The following CFAP263 variants were observed in gnomAD, a reference collection of about 807,000 sequenced individuals.
CFAP263 encodes the protein cilia and flagella associated protein 263.
the CFAP263 span, chr16:58,252,917 T>C: frequency 3.9e-6 from 6 of 1,547,100 alleles, no homozygotes; most frequent in East Asian, 2.3e-5. Flanking sequence ...GTGGTATTTG[T>C]TTATCTGCCT....
At chr16:58,258,465 G>A in the CFAP263 span, 8 of 1,613,942 alleles carry the variant, frequency 5.0e-6, no homozygotes, top group Non-Finnish European at 5.9e-6. Context: ...AAGAAGAAAG[G>A]GAGTATTTTG....
the CFAP263 span, among the ~76,000 whole-genome samples, chr16:58,260,921 G>A: frequency 6.6e-6 from 1 of 152,170 alleles, no homozygotes; most frequent in Admixed American, 6.5e-5. Flanking sequence ...GGATGGCTTA[G>A]CTGTAGAGTA....
chr16:58,276,573 G>A, the CFAP263 span, among the ~76,000 whole-genome samples: 1 of 152,194 alleles, frequency 6.6e-6, no homozygotes, highest in East Asian at 1.9e-4. Flanking sequence ...ATGTCTTTAG[G>A]CATTGCCAAA....
chr16:58,278,490 C>CAAAGCCGAGGCAGTGAATA, the CFAP263 span: 1 of 1,614,018 alleles, frequency 6.2e-7, no homozygotes. Context: ...AGGACCGGGC[C>CAAAGCCGAGGCAGTGAATA]AAAGCCGAGG....
the CFAP263 span, among the ~76,000 whole-genome samples, chr16:58,266,664 G>A: frequency 2.0e-4 from 31 of 151,894 alleles, no homozygotes; most frequent in African/African-American, 7.2e-4. Context: ...AAATCACTGC[G>A]TCTTTCCCTT....
chr16:58,261,932 G>T, the CFAP263 span, among the ~76,000 whole-genome samples: 1 of 152,060 alleles, frequency 6.6e-6, no homozygotes, highest in Admixed American at 6.5e-5. Flanking sequence ...CTTGTCCTGG[G>T]TTTTTCATGT....
the CFAP263 span, chr16:58,281,107 G>A: frequency 1.3e-5 from 3 of 239,686 alleles, no homozygotes; most frequent in Admixed American, 5.0e-5. Flanking sequence ...GTCCTGAAAT[G>A]CTCACATTTT....
At chr16:58,279,746 A>G in the CFAP263 span, 1 of 1,613,326 alleles carries the variant, frequency 6.2e-7, no homozygotes, top group Non-Finnish European at 8.5e-7. Flanking sequence ...ACCAATGAGC[A>G]GTTGCAGGCA....
the CFAP263 span, among the ~76,000 whole-genome samples, chr16:58,254,532 A>G: frequency 6.6e-6 from 1 of 152,132 alleles, no homozygotes; most frequent in South Asian, 2.1e-4. Flanking sequence ...ATTTCAGTAT[A>G]TATCTTTAAT....
the CFAP263 span, chr16:58,252,853 G>A: frequency 3.1e-6 from 5 of 1,613,442 alleles, no homozygotes; most frequent in African/African-American, 6.7e-5. Flanking sequence ...ATTATGCACA[G>A]GTACACAATG....
the CFAP263 span, among the ~76,000 whole-genome samples, chr16:58,270,452 AT>A: frequency 1.3e-5 from 2 of 151,880 alleles, no homozygotes; most frequent in African/African-American, 2.4e-5. Context: ...CTGAATGTGT[AT>A]TGTTTTTGCA....
At chr16:58,280,802 TTTG>T in the CFAP263 span, 1 of 1,521,270 alleles carries the variant, frequency 6.6e-7, no homozygotes, top group Non-Finnish European at 8.8e-7. Context: ...AAAACTAGTT[TTTG>T]TTGTAAATCT....
the CFAP263 span, chr16:58,258,276 C>A: frequency 9.1e-7 from 1 of 1,100,850 alleles, no homozygotes; most frequent in Non-Finnish European, 1.3e-6. Flanking sequence ...TATTTTGGGA[C>A]ACAAAGAGGC....
chr16:58,280,138 CA>C, the CFAP263 span: 2 of 1,402,488 alleles, frequency 1.4e-6, no homozygotes, highest in African/African-American at 1.4e-5. Flanking sequence ...GTGCAACTAT[CA>C]AAAACAGACA....
At chr16:58,250,805 G>A in the CFAP263 span, among the ~76,000 whole-genome samples, 1 of 151,478 alleles carries the variant, frequency 6.6e-6, no homozygotes, top group Non-Finnish European at 1.5e-5. Context: ...AAACTAACAC[G>A]GCAGCAGAAT....
At chr16:58,258,236 A>G in the CFAP263 span, 2 of 696,228 alleles carry the variant, frequency 2.9e-6, no homozygotes, top group African/African-American at 1.8e-5. Flanking sequence ...TATCTTAAGG[A>G]TATGTTCCTA....
chr16:58,274,387 C>G, the CFAP263 span, among the ~76,000 whole-genome samples: 2 of 152,198 alleles, frequency 1.3e-5, no homozygotes, highest in South Asian at 4.1e-4. Flanking sequence ...AAATAGAGTC[C>G]CCTTGGGCAG....
the CFAP263 span, among the ~76,000 whole-genome samples, chr16:58,257,111 G>A: frequency 3.6e-5 from 3 of 84,490 alleles, no homozygotes; most frequent in Non-Finnish European, 4.6e-5. Flanking sequence ...TCTGCCTCCC[G>A]GGTTCACGCC....
the CFAP263 span, among the ~76,000 whole-genome samples, chr16:58,269,670 A>C: frequency 2.6e-5 from 4 of 152,152 alleles, no homozygotes; most frequent in Non-Finnish European, 5.9e-5. Context: ...GTTTATTTTT[A>C]TGGCTGAATA....
Sources: allele counts gnomAD v4.1 joint callset (sites outside exome capture counted in the v4.1 genomes callset), GRCh38; gene constraint gnomAD v4.1.1; transcripts MANE v1.5; gene names NCBI Gene and HGNC (gene_info 2026-07-23, HGNC 2026-07-21).